Variants in BDH1 observed in about 807,000 individuals in gnomAD.
The protein encoded by BDH1 is D-beta-hydroxybutyrate dehydrogenase, mitochondrial.
Under a neutral mutation model 33.1 loss-of-function variants are expected in BDH1, and 30 were observed. That is an observed-to-expected ratio of 0.91 (90% confidence interval 0.68 to 1.23). The LOEUF is 1.23. Ranked by LOEUF, BDH1 falls within the 50% of genes most tolerant of loss-of-function variation. The pLI, the probability that BDH1 is intolerant of heterozygous loss-of-function variation, is 0.00. For missense variants in BDH1, 443 were observed against 464.4 expected (o/e 0.95, Z 0.42); for synonymous variants, 190 against 183.6 (o/e 1.03, Z -0.28).
intron 3 of BDH1, among the ~76,000 whole-genome samples, chr3:197,544,036 G>T (rs1451590643): frequency 1.3e-5 from 2 of 152,186 alleles, no homozygotes; most frequent in Non-Finnish European, 2.9e-5. Flanking sequence ...AAGTCACTTG[G>T]TAAGGATGCT....
rs750875619 is a variant in BDH1, at chr3:197,512,338, G to A, written c.589C>T (p.Leu197=). ...KGRVVNISSM[L]GRMANPARSP... ...CGGGCCGGGTTGGCCATGCGGCCCA[G>A]CATGCTGCTGATATTGACGACGCGG... The change falls in exon 8 of 8, where the codon CTG becomes TTG. Residue 197 remains leucine (L), a synonymous_variant. Transcript: ENST00000392379. The A allele has an allele frequency of 2.5e-6, 4 of 1,608,662 alleles. No individual in the cohort carries two copies. Among genetic ancestry groups the A allele is most frequent in the African/African-American group, 2.7e-5 (2 of 74,918 alleles).
At chr3:197,546,142 A>T in intron 3 of BDH1, 1 of 484,008 alleles carries the variant, frequency 2.1e-6, no homozygotes, top group South Asian at 3.8e-5. Context: ...TCAAAAAGAA[A>T]AAAAAATAAG....
chr3:197,516,107 C>G lies in BDH1; in HGVS notation c.410-1691G>C, dbSNP rs544447906. Among the ~76,000 whole-genome samples, 1 of 152,190 alleles carries G rather than the reference C, an allele frequency of 6.6e-6. No homozygotes were observed. Among genetic ancestry groups the G allele is most frequent in the African/African-American group, 2.4e-5 (1 of 41,448 alleles). On this transcript the variant is annotated intron_variant, in intron 6 of 7. Coordinates refer to ENST00000392379, the MANE Select transcript of BDH1 (RefSeq NM_203314.3). The surrounding 1 kb of genome is among the most constrained non-coding windows in gnomAD (Gnocchi z 4.2). ...TACTCCTTGAGGCTCACCTCTCCCT[C>G]AGCATTAGTGATACCCAGGCATCTC...
intron 2 of BDH1, among the ~76,000 whole-genome samples, chr3:197,553,545 AAG>A (rs1483094405): frequency 1.6e-4 from 23 of 143,542 alleles, no homozygotes; most frequent in African/African-American, 5.9e-4. Context: ...AAAAAAAAAA[AAG>A]AAGAGTTTTA....
rs1431516552 is a variant in BDH1, at chr3:197,512,372, G to A, written c.563-8C>T. On this transcript the variant is annotated splice_region_variant and splice_polypyrimidine_tract_variant and intron_variant, in intron 7 of 7. Transcript: ENST00000392379. ...TGATATTGACGACGCGGCCTACAGA[G>A]GGAGACAGAGGTACCTGCTAAGCCG... 2 of 1,595,112 alleles carry A rather than the reference G, an allele frequency of 1.3e-6. No homozygotes were observed. Among genetic ancestry groups the A allele is most frequent in the Non-Finnish European group, 1.7e-6 (2 of 1,174,196 alleles).
intron 3 of BDH1, among the ~76,000 whole-genome samples, chr3:197,541,781 T>C (rs1174031770): frequency 6.6e-6 from 1 of 152,144 alleles, no homozygotes; most frequent in East Asian, 1.9e-4. Flanking sequence ...CAACCAAGGT[T>C]CAATACCACT....
intron 5 of BDH1, among the ~76,000 whole-genome samples, chr3:197,531,052 A>G (rs369388867): frequency 1.3e-5 from 2 of 152,264 alleles, no homozygotes; most frequent in East Asian, 3.8e-4. Context: ...TTTCAAATAA[A>G]TAATACAGCG....
upstream of BDH1, among the ~76,000 whole-genome samples, chr3:197,558,911 C>T (rs141133895): frequency 7.2e-4 from 110 of 152,224 alleles, no homozygotes; most frequent in African/African-American, 2.4e-3. Flanking sequence ...CTGTCCCTCC[C>T]GAGAACCTCT....
Position 197,514,375 on chromosome 3 carries a change from C to T in BDH1, c.451G>A (p.Gly151Arg), listed in dbSNP as rs376850979. ...TCCAGGCTGGTGAACTCCACCTCCCCGAACGTTGAGATGCCGGCATTGTTA... is the reference window on the plus strand; with the variant it reads ...TCCAGGCTGGTGAACTCCACCTCCCTGAACGTTGAGATGCCGGCATTGTTA... ...LVNNAGISTFGEVEFTSLETY... is the reference protein window; with the variant it reads ...LVNNAGISTFREVEFTSLETY... Residue 151 changes from glycine (G) to arginine (R), a missense_variant, in exon 7 of 8, where the codon GGG becomes AGG. By Grantham distance (125) the Gly-to-Arg change is moderately radical. Transcript: ENST00000392379. The surrounding 1 kb of genome is among the most constrained non-coding windows in gnomAD (Gnocchi z 4.2). 23 of 1,612,564 alleles carry T rather than the reference C, an allele frequency of 1.4e-5. No homozygotes were observed. The highest frequency in any genetic ancestry group is 6.6e-5 in the South Asian group (6 of 90,834).
chr3:197,565,935 G>A (rs1342102988), intron 1 of BDH1, among the ~76,000 whole-genome samples: 3 of 152,208 alleles, frequency 2.0e-5, no homozygotes, highest in Non-Finnish European at 2.9e-5. Context: ...AGCTAACTGC[G>A]TGAGCTGATC....
rs374149222 is a variant in BDH1 at position 197,566,592 on chromosome 3, T to C, written c.-44+6589A>G. 7.9e-5 allele frequency among the ~76,000 whole-genome samples: 12 copies of C among 152,328 alleles called. No homozygotes were observed. The East Asian group carries it at 1.9e-3, about 24-fold the overall frequency. ...TAAAAAAATAATTACTCTGGCTGCA[T>C]TGTATACAAATAATTAGGCCAAGTA... On this transcript the variant is annotated intron_variant, in intron 1 of 6. Coordinates refer to the BDH1 transcript ENST00000358186.
Position 197,514,581 on chromosome 3 carries a change from TAA to T in BDH1, c.410-167_410-166del, listed in dbSNP as rs1230458802. Among the ~76,000 whole-genome samples, 4 of 152,080 alleles carry T rather than the reference TAA, an allele frequency of 2.6e-5. No individual in the cohort carries two copies. The highest frequency in any genetic ancestry group is 5.9e-5 in the Non-Finnish European group (4 of 67,998). ...AGAGTCACTCAGGAACGACAGGAGG[TAA>T]AGAGGCCTAAAGTGCTGACTGCAGC... On this transcript the variant is annotated intron_variant, in intron 6 of 7. Transcript: ENST00000392379. The surrounding 1 kb of genome is among the most constrained non-coding windows in gnomAD (Gnocchi z 4.2).
At position 197,532,372 on chromosome 3, in the gene BDH1, G is replaced by T. The variant is rs764593674; in HGVS notation, c.267+40C>A. The T allele has an allele frequency of 5.2e-6, 8 of 1,544,948 alleles. No homozygotes were observed. In the African/African-American group the frequency reaches 9.5e-5, roughly 18 times the overall value. On this transcript the variant is annotated intron_variant, in intron 5 of 7. Coordinates refer to ENST00000392379, the MANE Select transcript of BDH1 (RefSeq NM_203314.3). ...TAAAAGACTAAAAAACAATGACTAT[G>T]TGTAAAAGACAATGGTGAAGAAGAT...
chr3:197,523,022 C>G lies in BDH1; in HGVS notation c.268-241G>C. On this transcript the variant is annotated intron_variant, in intron 5 of 7. Transcript: ENST00000392379. The surrounding 1 kb of genome is among the most constrained non-coding windows in gnomAD (Gnocchi z 4.5). ...CATGAATAGGATGAAGAGCCGGCCC[C>G]CAAGGCCTCAAGACAGGATTCCTTC... The G allele has an allele frequency of 6.1e-6, 3 of 495,596 alleles. No individual in the cohort carries two copies. The highest frequency in any genetic ancestry group is 7.0e-6 in the Non-Finnish European group (2 of 284,714). 30.7% of individuals were successfully genotyped at this position (495,596 alleles called of 1,614,324 possible). A position where few individuals can be genotyped will look rare whatever the true frequency, so the allele number is the denominator to read the frequency against.
At chr3:197,568,319 C>A (rs1477858003) in intron 1 of BDH1, among the ~76,000 whole-genome samples, 2 of 151,700 alleles carry the variant, frequency 1.3e-5, no homozygotes, top group African/African-American at 4.8e-5. Flanking sequence ...GAAATCATAC[C>A]CTTAATCTGT....
upstream of BDH1, among the ~76,000 whole-genome samples, chr3:197,559,005 T>C (rs1717174563): frequency 6.6e-6 from 1 of 151,372 alleles, no homozygotes; most frequent in Non-Finnish European, 1.5e-5. Context: ...ATTGAACTTT[T>C]TTTTTTTTTT....
chr3:197,561,745 A>G (rs1418193866), intron 1 of BDH1, among the ~76,000 whole-genome samples: 2 of 152,160 alleles, frequency 1.3e-5, no homozygotes, highest in African/African-American at 4.8e-5. Flanking sequence ...AGCCTTTCTA[A>G]TCTGGCCAAA....
chr3:197,515,401 C>G, intron 6 of BDH1: 1 of 985,780 alleles, frequency 1.0e-6, no homozygotes, highest in Non-Finnish European at 1.2e-6. Flanking sequence ...GCGTCATCCA[C>G]GACCCCACAG....
chr3:197,569,821 A>G (rs1232031517), intron 1 of BDH1, among the ~76,000 whole-genome samples: 1 of 152,226 alleles, frequency 6.6e-6, no homozygotes, highest in African/African-American at 2.4e-5. Context: ...TATCAGCAGC[A>G]AGAAAACAGA....
Sources: allele counts gnomAD v4.1 joint callset (sites outside exome capture counted in the v4.1 genomes callset), GRCh38; gene constraint gnomAD v4.1.1; non-coding constraint Gnocchi (gnomAD v3.1); transcripts MANE v1.5; gene names NCBI Gene and HGNC (gene_info 2026-07-23, HGNC 2026-07-21).